FAM13A: variants seen among roughly 807,000 people sequenced by gnomAD.
The protein encoded by FAM13A is family with sequence similarity 13 member A, also known as protein FAM13A.
In FAM13A, 76 loss-of-function variants were observed where a neutral mutation model predicts 129.6. The observed-to-expected ratio is 0.59, with a 90% CI of 0.49 to 0.71. The LOEUF (loss-of-function observed/expected upper bound fraction) is 0.71, where lower values mean the gene tolerates loss of function less well. Ranked by LOEUF, FAM13A falls within the 30% of genes least tolerant of loss-of-function variation. FAM13A has a pLI of 0.00. For missense variants in FAM13A, 1,108 were observed against 1,249.3 expected, an observed-to-expected ratio of 0.89 and a Z score of 1.70; for synonymous variants, 443 against 449.9, an observed-to-expected ratio of 0.98 and a Z score of 0.20.
At chr4:88,873,866 T>A (rs1482529654) in intron 6 of FAM13A, among the ~76,000 whole-genome samples, 2 of 152,162 alleles carry the variant, frequency 1.3e-5, no homozygotes, top group Non-Finnish European at 2.9e-5. Context: ...ATATCCTTGA[T>A]GAACATTGAT....
intron 3 of FAM13A, among the ~76,000 whole-genome samples, chr4:89,011,469 TTC>T (rs1560787131): frequency 6.6e-6 from 1 of 152,216 alleles, no homozygotes; most frequent in Admixed American, 6.5e-5. Context: ...CTTCTAGATG[TTC>T]TCTCTGCATG....
At chr4:88,876,490 G>A (rs1231981659) in intron 6 of FAM13A, among the ~76,000 whole-genome samples, 3 of 152,014 alleles carry the variant, frequency 2.0e-5, no homozygotes, top group African/African-American at 7.3e-5. Flanking sequence ...AAAAAACGAT[G>A]TAAAACAGAA....
chr4:88,924,269 A>C (rs1751697441), intron 5 of FAM13A, among the ~76,000 whole-genome samples: 1 of 152,202 alleles, frequency 6.6e-6, no homozygotes, highest in Admixed American at 6.5e-5. Context: ...CAAAAGAACA[A>C]AGCTGGAGGC....
At chr4:88,776,660 G>C (rs1009099371) in intron 11 of FAM13A, among the ~76,000 whole-genome samples, 3 of 152,028 alleles carry the variant, frequency 2.0e-5, no homozygotes, top group African/African-American at 7.2e-5. Flanking sequence ...TAATATATAT[G>C]GTTTTTTTGA....
intron 3 of FAM13A, among the ~76,000 whole-genome samples, chr4:88,992,416 G>A (rs1763032474): frequency 6.6e-6 from 1 of 151,834 alleles, no homozygotes. Flanking sequence ...GATTACAGGT[G>A]CACACCACCA....
chr4:89,050,853 A>G (rs1771499739), intron 1 of FAM13A, among the ~76,000 whole-genome samples: 2 of 152,054 alleles, frequency 1.3e-5, no homozygotes, highest in South Asian at 2.1e-4. Flanking sequence ...GTTCGAACTC[A>G]GGAGGCGGAG....
chr4:88,958,705 G>A (rs1211680038), intron 4 of FAM13A, among the ~76,000 whole-genome samples: 1 of 152,196 alleles, frequency 6.6e-6, no homozygotes, highest in African/African-American at 2.4e-5. Flanking sequence ...CGTGGAGTTG[G>A]AGCCCCCCGA....
chr4:88,939,222 CTCTAGGGGAGAAG>C (rs769865271), intron 4 of FAM13A, among the ~76,000 whole-genome samples: 52 of 152,250 alleles, frequency 3.4e-4, no homozygotes, highest in Admixed American at 1.0e-3. Context: ...CCTGTGAAAG[CTCTAGGGGAGAAG>C]CTGTTCCTTG....
intron 8 of FAM13A, among the ~76,000 whole-genome samples, chr4:88,799,480 CTTT>C (rs58865037): frequency 0.033 from 4,914 of 147,350 alleles, 228 homozygotes; most frequent in African/African-American, 0.11. Flanking sequence ...AACAATTCCA[CTTT>C]TTTTTTTTTT....
intron 19 of FAM13A, among the ~76,000 whole-genome samples, chr4:88,744,085 G>A (rs1326537360): frequency 6.6e-6 from 1 of 152,186 alleles, no homozygotes; most frequent in East Asian, 1.9e-4. Context: ...AACCGAAGGA[G>A]AATATTTATA....
intron 19 of FAM13A, among the ~76,000 whole-genome samples, chr4:88,744,669 C>T (rs374616403): frequency 9.2e-5 from 14 of 152,094 alleles, no homozygotes; most frequent in East Asian, 5.8e-4. Context: ...GAGTGTTGTC[C>T]GCATGGCATT....
chr4:88,996,341 A>G (rs1370570732), intron 3 of FAM13A, among the ~76,000 whole-genome samples: 1 of 152,210 alleles, frequency 6.6e-6, no homozygotes, highest in Non-Finnish European at 1.5e-5. Flanking sequence ...TGAAAGCAGC[A>G]AGATTACTTA....
intron 1 of FAM13A, among the ~76,000 whole-genome samples, chr4:89,039,828 C>T (rs567652280): frequency 6.6e-6 from 1 of 151,972 alleles, no homozygotes; most frequent in East Asian, 1.9e-4. Flanking sequence ...ATGGCTAATC[C>T]TCCCACCACA....
chr4:88,904,315 C>T (rs1747794472), intron 6 of FAM13A, among the ~76,000 whole-genome samples: 1 of 152,072 alleles, frequency 6.6e-6, no homozygotes, highest in Non-Finnish European at 1.5e-5. Context: ...AATACATGCA[C>T]ATGTATGTTC....
At chr4:88,946,487 AT>A (rs1402291405) in intron 4 of FAM13A, among the ~76,000 whole-genome samples, 2 of 144,164 alleles carry the variant, frequency 1.4e-5, no homozygotes, top group African/African-American at 5.2e-5. Context: ...CTCTGCTTTA[AT>A]TTAACACATT....
At position 88,887,422 on chromosome 4, in the gene FAM13A, G is replaced by GCTA. The variant is rs569532458; in HGVS notation, c.843+18956_843+18957insTAG. On this transcript the variant is annotated intron_variant, in intron 6 of 23. Transcript: ENST00000264344. ...GATACATTACTATTAAGTGACAGTT[G>GCTA]CTTTTGTAAGGCTTTGAAGCCAAAG... Among the ~76,000 whole-genome samples the GCTA allele has an allele frequency of 1.7e-3, 265 of 152,168 alleles. 1 individual carries two copies. Among genetic ancestry groups the GCTA allele is most frequent in the Middle Eastern group, 0.01 (3 of 294 alleles).
intron 6 of FAM13A, among the ~76,000 whole-genome samples, chr4:88,869,765 G>A (rs1172023007): frequency 6.6e-6 from 1 of 152,110 alleles, no homozygotes. Flanking sequence ...CCTGGCATGT[G>A]ATAGACAATT....
intron 6 of FAM13A, among the ~76,000 whole-genome samples, chr4:88,870,516 C>T (rs1323010295): frequency 6.6e-6 from 1 of 152,216 alleles, no homozygotes; most frequent in East Asian, 1.9e-4. Context: ...CCCGCGCCCA[C>T]AGAGCCTTGC....
chr4:88,912,608 C>T (rs2150263396), intron 5 of FAM13A, among the ~76,000 whole-genome samples: 1 of 150,610 alleles, frequency 6.6e-6, no homozygotes, highest in East Asian at 2.0e-4. Context: ...CACACACCTC[C>T]TATTGGTTTT....
Sources: allele counts gnomAD v4.1 joint callset (sites outside exome capture counted in the v4.1 genomes callset), GRCh38; gene constraint gnomAD v4.1.1; transcripts MANE v1.5; gene names NCBI Gene and HGNC (gene_info 2026-07-23, HGNC 2026-07-21).